SFXN5: variants seen among roughly 807,000 people sequenced by gnomAD.
SFXN5 encodes the protein sideroflexin 5.
In SFXN5, 43 loss-of-function variants were observed where a neutral mutation model predicts 50.2. The ratio of observed to expected loss-of-function variants is 0.86; its 90% CI spans 0.67 to 1.11. The LOEUF (loss-of-function observed/expected upper bound fraction) is 1.11. SFXN5 is among the 50% of genes least tolerant of loss of function. The probability of loss-of-function intolerance (pLI) is 0.00; values close to 1 mark genes in which losing one functional copy is unlikely to be tolerated. For synonymous variants in SFXN5, 203 were observed against 185.8 expected, an observed-to-expected ratio of 1.09 and a Z score of -0.75; for missense variants, 463 against 454.1, an observed-to-expected ratio of 1.02 and a Z score of -0.18.
intron 11 of SFXN5, 92 bp downstream of exon 11, chr2:72,971,478 T>A (rs1264140296): frequency 2.3e-6 from 2 of 856,272 alleles, no homozygotes; most frequent in African/African-American, 3.4e-5. Context: ...AAGGGTACCC[T>A]GGATAGAAGC....
rs763814227 is a variant in SFXN5 at position 72,992,704 on chromosome 2, C to T, written c.535-4356G>A. Among the ~76,000 whole-genome samples, 9 of 152,250 alleles carry T rather than the reference C, an allele frequency of 5.9e-5. No individual in the cohort carries two copies. The highest frequency in any genetic ancestry group is 1.3e-4 in the Non-Finnish European group (9 of 68,050). On this transcript the variant is annotated intron_variant, in intron 9 of 13. Coordinates refer to ENST00000272433, the MANE Select transcript of SFXN5 (RefSeq NM_144579.3). This position sits in a 1 kb window ranked among gnomAD's most constrained non-coding sequence, Gnocchi z 4.5. ...CTCTCCCTGCTCCCAACACTCAGCA[C>T]GCAGCCTCTGTCCCTGGATGACAGT...
At chr2:72,967,734 G>A (rs1674601238) in intron 12 of SFXN5, among the ~76,000 whole-genome samples, 2 of 152,002 alleles carry the variant, frequency 1.3e-5, no homozygotes, top group African/African-American at 4.8e-5. Context: ...GTAACTCCAG[G>A]CCCCCTCCAC....
chr2:72,969,179 C>T (rs1245577832), intron 11 of SFXN5, among the ~76,000 whole-genome samples: 1 of 152,144 alleles, frequency 6.6e-6, no homozygotes, highest in Non-Finnish European at 1.5e-5. Flanking sequence ...GGGGAACACT[C>T]AGGCAGCCCC....
chr2:72,991,820 A>G (rs1672641507), intron 9 of SFXN5, among the ~76,000 whole-genome samples: 1 of 152,220 alleles, frequency 6.6e-6, no homozygotes, highest in Admixed American at 6.5e-5. Context: ...ACAGCTCATC[A>G]CAAACAGCAG....
intron 10 of SFXN5, among the ~76,000 whole-genome samples, chr2:72,983,432 T>C (rs1671549801): frequency 1.3e-5 from 2 of 152,186 alleles, no homozygotes; most frequent in African/African-American, 4.8e-5. Flanking sequence ...GAGGCTGGCA[T>C]TTCCGGTGCC....
intron 6 of SFXN5, among the ~76,000 whole-genome samples, chr2:73,018,728 A>T (rs994685634): frequency 6.6e-6 from 1 of 152,224 alleles, no homozygotes; most frequent in African/African-American, 2.4e-5. Context: ...ACATTCACAT[A>T]CAGATCTTTG....
chr2:72,988,159 G>T, intron 10 of SFXN5, 99 bp downstream of exon 10: 1 of 1,075,876 alleles, frequency 9.3e-7, no homozygotes, highest in Non-Finnish European at 1.3e-6. Flanking sequence ...TGCCCCCTGG[G>T]CATCAGGAGA....
chr2:72,946,472 G>A (rs1426924006), intron 13 of SFXN5, among the ~76,000 whole-genome samples: 1 of 152,122 alleles, frequency 6.6e-6, no homozygotes, highest in African/African-American at 2.4e-5. Context: ...GCTTGGTCTG[G>A]CTGGGCCCTC....
intron 6 of SFXN5, among the ~76,000 whole-genome samples, chr2:73,016,105 G>T (rs901935934): frequency 6.6e-6 from 1 of 151,892 alleles, no homozygotes; most frequent in East Asian, 1.9e-4. Context: ...TATAATTATT[G>T]TACTTCTTAT....
chr2:72,968,832 T>G (rs1171812544), intron 11 of SFXN5, among the ~76,000 whole-genome samples: 1 of 151,818 alleles, frequency 6.6e-6, no homozygotes, highest in East Asian at 1.9e-4. Flanking sequence ...AGACAGAGTC[T>G]TGCTCTGTCC....
intron 6 of SFXN5, among the ~76,000 whole-genome samples, chr2:73,015,062 G>A (rs1010406134): frequency 2.6e-5 from 4 of 152,176 alleles, no homozygotes; most frequent in Non-Finnish European, 5.9e-5. Context: ...TCATCTTTAA[G>A]ACAGGTGCTT....
intron 3 of SFXN5, among the ~76,000 whole-genome samples, chr2:73,028,866 A>T (rs1216985865): frequency 2.0e-5 from 3 of 152,166 alleles, no homozygotes; most frequent in African/African-American, 4.8e-5. Context: ...AACAGGATAC[A>T]ATGAAAAAGA....
intron 1 of SFXN5, chr2:73,059,933 A>G: frequency 1.1e-6 from 1 of 914,374 alleles, no homozygotes; most frequent in Non-Finnish European, 1.3e-6. Flanking sequence ...ATGGTTAAAT[A>G]AATGATGGTC....
chr2:73,036,618 G>A (rs1679013615), intron 3 of SFXN5, among the ~76,000 whole-genome samples: 2 of 152,206 alleles, frequency 1.3e-5, no homozygotes, highest in South Asian at 4.1e-4. Flanking sequence ...AGGGAGCAAA[G>A]AGGAGGAAAT....
intron 9 of SFXN5, chr2:72,998,704 C>T: frequency 1.9e-6 from 1 of 539,106 alleles, no homozygotes; most frequent in South Asian, 2.4e-5. Context: ...AGATGTCCTG[C>T]CTCAGTGCCC....
At chr2:73,047,812 G>A (rs1680710021) in intron 2 of SFXN5, among the ~76,000 whole-genome samples, 1 of 152,042 alleles carries the variant, frequency 6.6e-6, no homozygotes, top group Non-Finnish European at 1.5e-5. Context: ...CAGTAAATGT[G>A]AAATATTTAT....
At position 72,945,229 on chromosome 2, in the gene SFXN5, G is replaced by T; in HGVS notation, c.946-130C>A. The T allele has an allele frequency of 5.1e-6, 4 of 779,760 alleles. No homozygotes were observed. In the South Asian group the frequency reaches 6.6e-5, roughly 13 times the overall value. The allele number at this position is 779,760 out of a possible 1,614,324, so 48.3% of individuals were successfully genotyped here. On this transcript the variant is annotated intron_variant, in intron 13 of 13. Transcript: ENST00000272433. This position sits in a 1 kb window ranked among gnomAD's most constrained non-coding sequence, Gnocchi z 5.8. Reference sequence around the variant, plus strand: ...TGCACCCCCGTGTCCACCCCAGCCAGGGCTCACATGCCCTACCTAGTGACA... The same window carrying T: ...TGCACCCCCGTGTCCACCCCAGCCATGGCTCACATGCCCTACCTAGTGACA...
intron 3 of SFXN5, 118 bp from the exon 4 acceptor site, chr2:73,023,332 G>A (rs760089640): frequency 1.7e-5 from 17 of 1,025,102 alleles, no homozygotes; most frequent in Non-Finnish European, 2.4e-5. Flanking sequence ...CCCGAAAGAA[G>A]CTCGGGCTAT....
intron 9 of SFXN5, among the ~76,000 whole-genome samples, chr2:72,989,254 C>T (rs948420216): frequency 1.3e-5 from 2 of 152,134 alleles, no homozygotes; most frequent in African/African-American, 2.4e-5. Flanking sequence ...GCCTGGGATG[C>T]CTCCCTCCTC....
Sources: gnomAD v4.1 joint callset for allele counts (sites outside exome capture counted in the v4.1 genomes callset) on GRCh38, gnomAD v4.1.1 for gene constraint, Gnocchi (gnomAD v3.1) non-coding constraint, MANE v1.5 for transcripts, NCBI Gene and HGNC (gene_info 2026-07-23, HGNC 2026-07-21) for gene names.